Variants in GRID2 observed in about 807,000 individuals in gnomAD.
GRID2 encodes glutamate receptor ionotropic, delta-2.
GRID2 carries 33 observed loss-of-function variants against 114.8 expected under a neutral mutation model. The ratio of observed to expected loss-of-function variants is 0.29; its 90% CI spans 0.22 to 0.38. The LOEUF (loss-of-function observed/expected upper bound fraction) is 0.38, where lower values mean the gene tolerates loss of function less well. GRID2 is among the 10% of genes least tolerant of loss of function. The probability of loss-of-function intolerance (pLI) is 1.00; values close to 1 mark genes in which losing one functional copy is unlikely to be tolerated. For synonymous variants in GRID2, 505 were observed against 449.9 expected, an observed-to-expected ratio of 1.12 and a Z score of -1.55; for missense variants, 1,184 against 1,257.7, an observed-to-expected ratio of 0.94 and a Z score of 0.89.
At chr4:93,427,149 T>G (rs1203817506) in intron 10 of GRID2, among the ~76,000 whole-genome samples, 7 of 152,016 alleles carry the variant, frequency 4.6e-5, no homozygotes, top group Admixed American at 4.6e-4. Flanking sequence ...GTTATAATTT[T>G]TAACAATTAC....
intron 1 of GRID2, among the ~76,000 whole-genome samples, chr4:92,456,919 A>G (rs534340517): frequency 6.6e-6 from 1 of 152,102 alleles, no homozygotes; most frequent in Admixed American, 6.5e-5. Context: ...GTTATGAAAT[A>G]TTTGTGCCTA....
At chr4:93,265,267 G>T (rs1750696873) in intron 8 of GRID2, among the ~76,000 whole-genome samples, 1 of 152,024 alleles carries the variant, frequency 6.6e-6, no homozygotes, top group Non-Finnish European at 1.5e-5. Context: ...ACCAAAAAAT[G>T]TTTTAAAATA....
chr4:92,951,673 T>G (rs954999005), intron 2 of GRID2, among the ~76,000 whole-genome samples: 1 of 152,102 alleles, frequency 6.6e-6, no homozygotes, highest in African/African-American at 2.4e-5. Context: ...GTTCAAATAT[T>G]AAAAAGCATA....
intron 2 of GRID2, among the ~76,000 whole-genome samples, chr4:92,759,451 C>T (rs1737881579): frequency 1.3e-5 from 2 of 151,990 alleles, no homozygotes; most frequent in Non-Finnish European, 1.5e-5. Context: ...AAAGGAACTT[C>T]CCCCCAATAC....
At chr4:92,743,804 T>C (rs1737013412) in intron 2 of GRID2, among the ~76,000 whole-genome samples, 1 of 152,212 alleles carries the variant, frequency 6.6e-6, no homozygotes, top group Non-Finnish European at 1.5e-5. Flanking sequence ...CTAGTTCACT[T>C]TGTTACTGGA....
At chr4:93,728,971 A>G (rs1730217460) in intron 14 of GRID2, among the ~76,000 whole-genome samples, 1 of 152,144 alleles carries the variant, frequency 6.6e-6, no homozygotes. Flanking sequence ...TAATTGGAGC[A>G]TTTAGCCCAT....
chr4:92,824,371 G>A (rs928913940), intron 2 of GRID2, among the ~76,000 whole-genome samples: 13 of 151,820 alleles, frequency 8.6e-5, no homozygotes, highest in African/African-American at 3.1e-4. Flanking sequence ...CATTTCTTTT[G>A]TTTGTTTGTT....
exon 2 of GRID2, chr4:93,808,680 A>G (rs958147726): frequency 6.6e-6 from 1 of 152,182 alleles, no homozygotes; most frequent in Non-Finnish European, 1.5e-5. Flanking sequence ...ACATTCCACC[A>G]TTAACATACC....
At chr4:93,544,742 A>C (rs909299665) in intron 13 of GRID2, among the ~76,000 whole-genome samples, 7 of 151,112 alleles carry the variant, frequency 4.6e-5, no homozygotes, top group Non-Finnish European at 7.4e-5. Flanking sequence ...ACACCATTGC[A>C]CTTCAGCCTG....
chr4:92,720,961 T>C (rs1477062017), intron 2 of GRID2, among the ~76,000 whole-genome samples: 1 of 152,072 alleles, frequency 6.6e-6, no homozygotes, highest in Non-Finnish European at 1.5e-5. Context: ...AATGGAATAT[T>C]CTTGAGCCTT....
intron 8 of GRID2, among the ~76,000 whole-genome samples, chr4:93,369,903 A>G (rs1418968310): frequency 6.6e-6 from 1 of 152,216 alleles, no homozygotes; most frequent in Non-Finnish European, 1.5e-5. Flanking sequence ...TTTCCACTTT[A>G]GGAAAAGACA....
At chr4:93,114,476 TA>T (rs112736185) in intron 4 of GRID2, among the ~76,000 whole-genome samples, 4 of 152,038 alleles carry the variant, frequency 2.6e-5, no homozygotes, top group African/African-American at 4.8e-5. Context: ...ACCATTTTTT[TA>T]AGTAACTTAT....
chr4:92,485,348 AGT>A (rs377083429), intron 1 of GRID2, among the ~76,000 whole-genome samples: 923 of 49,166 alleles, frequency 0.019, 30 homozygotes, highest in African/African-American at 0.034. Flanking sequence ...ATATATATAT[AGT>A]GTGTGTGTGT....
chr4:92,546,439 T>C (rs1169715213), intron 1 of GRID2, among the ~76,000 whole-genome samples: 4 of 152,228 alleles, frequency 2.6e-5, no homozygotes, highest in Non-Finnish European at 5.9e-5. Flanking sequence ...GCTAGCACTA[T>C]GACATTACCA....
chr4:93,088,049 A>T (rs1259336204), intron 3 of GRID2, among the ~76,000 whole-genome samples: 3 of 152,164 alleles, frequency 2.0e-5, no homozygotes, highest in African/African-American at 7.2e-5. Context: ...ATGTTATTGA[A>T]AATGTATTTT....
intron 12 of GRID2, among the ~76,000 whole-genome samples, chr4:93,512,377 T>A (rs1729277825): frequency 6.6e-6 from 1 of 152,294 alleles, no homozygotes; most frequent in South Asian, 2.1e-4. Context: ...CTCTTCTTAG[T>A]ATGAAAAATA....
chr4:92,348,350 T>G (rs920852688), intron 1 of GRID2, among the ~76,000 whole-genome samples: 8 of 152,192 alleles, frequency 5.3e-5, no homozygotes, highest in African/African-American at 1.9e-4. Context: ...ACATAAACCA[T>G]TTTCAGTGAA....
chr4:92,634,400 G>A lies in GRID2; in HGVS notation c.244+44114G>A, dbSNP rs549661928. Among the ~76,000 whole-genome samples, 18 of 152,208 alleles carry A rather than the reference G, an allele frequency of 1.2e-4. No individual in the cohort carries two copies. In the South Asian group the frequency reaches 3.7e-3, roughly 32 times the overall value. On this transcript the variant is annotated intron_variant, in intron 2 of 15. Transcript: ENST00000282020. Reference sequence around the variant, plus strand: ...CTTCCACAGCTATGGCTGCCACAAAGTACTGCATTTGCTTAACACTCAAGG... The same window carrying A: ...CTTCCACAGCTATGGCTGCCACAAAATACTGCATTTGCTTAACACTCAAGG...
chr4:92,953,943 TAA>T (rs1249007261), intron 2 of GRID2, among the ~76,000 whole-genome samples: 55 of 152,304 alleles, frequency 3.6e-4, no homozygotes, highest in Non-Finnish European at 5.9e-5. Flanking sequence ...TAGAATTTTA[TAA>T]AGTCTGTTTC....
Sources: allele counts gnomAD v4.1 joint callset (sites outside exome capture counted in the v4.1 genomes callset), GRCh38; gene constraint gnomAD v4.1.1; transcripts MANE v1.5; gene names NCBI Gene and HGNC (gene_info 2026-07-23, HGNC 2026-07-21).